Variants in MLLT3 observed in about 807,000 individuals in gnomAD.
MLLT3 encodes protein AF-9.
MLLT3 carries 4 observed loss-of-function variants against 53.2 expected under a neutral mutation model. That is an observed-to-expected ratio of 0.08 (90% CI 0.04 to 0.17). MLLT3 has a LOEUF of 0.17. Ranked by LOEUF, MLLT3 falls within the 10% of genes least tolerant of loss-of-function variation. The probability of loss-of-function intolerance (pLI) is 1.00; values close to 1 mark genes in which losing one functional copy is unlikely to be tolerated. For synonymous variants in MLLT3, 283 were observed against 230.6 expected (o/e 1.23, Z -2.06); for missense variants, 569 against 684.0 (o/e 0.83, Z 1.87).
intron 5 of MLLT3, among the ~76,000 whole-genome samples, chr9:20,383,288 C>G (rs1337034427): frequency 6.6e-6 from 1 of 151,912 alleles, no homozygotes; most frequent in Non-Finnish European, 1.5e-5. Flanking sequence ...ACAATTTTAA[C>G]ATAATTATAT....
At chr9:20,350,127 A>G (rs1820973961) in intron 10 of MLLT3, among the ~76,000 whole-genome samples, 1 of 152,240 alleles carries the variant, frequency 6.6e-6, no homozygotes, top group Non-Finnish European at 1.5e-5. Flanking sequence ...GACACAGGCC[A>G]CAAAGCCTGA....
chr9:20,565,151 AT>A (rs2131156496), intron 2 of MLLT3, among the ~76,000 whole-genome samples: 1 of 150,030 alleles, frequency 6.7e-6, no homozygotes, highest in Non-Finnish European at 1.5e-5. Flanking sequence ...TTTTCTCAGT[AT>A]TTAGTTTTCT....
chr9:20,562,758 A>C (rs967919835), intron 2 of MLLT3, among the ~76,000 whole-genome samples: 1 of 152,192 alleles, frequency 6.6e-6, no homozygotes, highest in African/African-American at 2.4e-5. Flanking sequence ...TAAGAGGCTC[A>C]GTAGCCCTGC....
intron 2 of MLLT3, among the ~76,000 whole-genome samples, chr9:20,590,762 GT>G (rs1267515090): frequency 2.0e-5 from 3 of 151,988 alleles, no homozygotes; most frequent in Non-Finnish European, 4.4e-5. Context: ...TAGTGGCATT[GT>G]CTTGCTCTGT....
intron 4 of MLLT3, among the ~76,000 whole-genome samples, chr9:20,433,753 T>G (rs989907480): frequency 1.3e-5 from 2 of 152,054 alleles, no homozygotes; most frequent in Non-Finnish European, 2.9e-5. Flanking sequence ...CTCTTTCCAG[T>G]TGATGGAGGC....
chr9:20,509,071 T>C (rs918881872), intron 2 of MLLT3, among the ~76,000 whole-genome samples: 3 of 152,226 alleles, frequency 2.0e-5, no homozygotes, highest in East Asian at 1.9e-4. Context: ...GAGGTATCTA[T>C]TGTCCTAGGC....
intron 3 of MLLT3, among the ~76,000 whole-genome samples, chr9:20,454,901 G>A (rs547587961): frequency 6.6e-5 from 10 of 152,068 alleles, no homozygotes; most frequent in Admixed American, 2.6e-4. Flanking sequence ...AATGAACAAC[G>A]AGCACATGAA....
chr9:20,512,051 T>G (rs1030894394), intron 2 of MLLT3, among the ~76,000 whole-genome samples: 1 of 152,178 alleles, frequency 6.6e-6, no homozygotes, highest in African/African-American at 2.4e-5. Context: ...AAGTCTGAGC[T>G]GAAGATGAGA....
Position 20,345,383 on chromosome 9 carries a change from T to C in MLLT3, c.*1060A>G, listed in dbSNP as rs1820839729. On this transcript the variant is annotated 3_prime_UTR_variant, in exon 11 of 11. Transcript: ENST00000380338. ...AATCTCTGATTCCAGATTTTTAGGA[T>C]AAAGATGAGTAACACACTGGCAGCT... The C allele has an allele frequency of 4.8e-6, 1 of 210,490 alleles. No individual in the cohort carries two copies. The highest frequency in any genetic ancestry group is 2.3e-5 in the African/African-American group (1 of 44,020). The allele number at this position is 210,490 out of a possible 1,614,324, so 13.0% of individuals were successfully genotyped here.
chr9:20,608,619 A>T (rs1820627267), intron 2 of MLLT3, among the ~76,000 whole-genome samples: 2 of 152,018 alleles, frequency 1.3e-5, no homozygotes, highest in Non-Finnish European at 1.5e-5. Flanking sequence ...TACTCATAGT[A>T]ACATTAAAGG....
At chr9:20,559,373 T>C (rs1587068792) in intron 2 of MLLT3, among the ~76,000 whole-genome samples, 1 of 152,214 alleles carries the variant, frequency 6.6e-6, no homozygotes, top group South Asian at 2.1e-4. Context: ...TTAAAGTAAG[T>C]GGTGTTCAAG....
chr9:20,382,283 C>T (rs984439168), intron 5 of MLLT3: 3 of 151,828 alleles, frequency 2.0e-5, no homozygotes, highest in African/African-American at 7.3e-5. Context: ...ATCCCAGAAG[C>T]TATCTTGCCT....
chr9:20,554,548 C>A (rs570204576), intron 2 of MLLT3, among the ~76,000 whole-genome samples: 30 of 152,156 alleles, frequency 2.0e-4, no homozygotes, highest in African/African-American at 6.7e-4. Flanking sequence ...ATCAATGAAA[C>A]AATATTATAA....
chr9:20,554,613 T>C (rs190956986), intron 2 of MLLT3, among the ~76,000 whole-genome samples: 94 of 152,252 alleles, frequency 6.2e-4, no homozygotes, highest in African/African-American at 2.1e-3. Context: ...TGATTATATA[T>C]ACTTTAAACT....
chr9:20,350,964 A>C (rs1821012367), intron 10 of MLLT3, among the ~76,000 whole-genome samples: 1 of 152,084 alleles, frequency 6.6e-6, no homozygotes. Context: ...TTCTCTATGG[A>C]GTAGAGCCAG....
intron 5 of MLLT3, among the ~76,000 whole-genome samples, chr9:20,389,073 G>A (rs914130384): frequency 3.9e-5 from 6 of 152,164 alleles, no homozygotes; most frequent in African/African-American, 1.4e-4. Flanking sequence ...AGCCATTCAC[G>A]GCAGCATTAT....
In MLLT3 at chr9:20,621,098, C is replaced by T. The variant is rs1820991776; in HGVS notation, c.13-264G>A. On this transcript the variant is annotated intron_variant, in intron 1 of 10. Coordinates refer to ENST00000380338, the MANE Select transcript of MLLT3 (RefSeq NM_004529.4). This position sits in a 1 kb window ranked among gnomAD's most constrained non-coding sequence, Gnocchi z 7.0. The stretch of plus-strand genomic sequence containing the variant: ...ATTGTAACGGAATGTTATCCCCAGT[C>T]GGGAAGGGGGTCGGGGAAAAGAGGG... 1 of 596,404 alleles carries T rather than the reference C, an allele frequency of 1.7e-6. No individual in the cohort carries two copies. The highest frequency in any genetic ancestry group is 3.0e-6 in the Non-Finnish European group (1 of 330,062). The allele number at this position is 596,404 out of a possible 1,614,324, so 36.9% of individuals were successfully genotyped here.
intron 2 of MLLT3, among the ~76,000 whole-genome samples, chr9:20,613,803 G>A (rs370059562): frequency 1.3e-5 from 2 of 151,800 alleles, no homozygotes; most frequent in South Asian, 2.1e-4. Flanking sequence ...ATATAAACTG[G>A]GACAATCTTT....
intron 2 of MLLT3, among the ~76,000 whole-genome samples, chr9:20,483,846 T>C (rs1257747690): frequency 6.7e-6 from 1 of 150,246 alleles, no homozygotes; most frequent in Non-Finnish European, 1.5e-5. Context: ...TAGCTGGGAC[T>C]ACAAGCACCC....
Sources: gnomAD v4.1 joint callset for allele counts (sites outside exome capture counted in the v4.1 genomes callset) on GRCh38, gnomAD v4.1.1 for gene constraint, Gnocchi (gnomAD v3.1) non-coding constraint, MANE v1.5 for transcripts, NCBI Gene and HGNC (gene_info 2026-07-23, HGNC 2026-07-21) for gene names.